Variants in SSUH2 observed in about 807,000 individuals in gnomAD.
SSUH2 encodes protein SSUH2 homolog.
A neutral mutation model predicts 55.3 loss-of-function variants in SSUH2; 47 were observed. The ratio of observed to expected loss-of-function variants is 0.85; its 90% confidence interval spans 0.67 to 1.08. The LOEUF is 1.08. Among genes scored for constraint, SSUH2 ranks in the 50% least tolerant of loss-of-function variants. SSUH2 has a pLI of 0.00. For missense variants in SSUH2, 535 were observed against 490.7 expected, an observed-to-expected ratio of 1.09 and a Z score of -0.85; for synonymous variants, 212 against 191.5, an observed-to-expected ratio of 1.11 and a Z score of -0.89.
At chr3:8,665,689 T>C (rs1055956046) in intron 5 of SSUH2, among the ~76,000 whole-genome samples, 1 of 152,166 alleles carries the variant, frequency 6.6e-6, no homozygotes, top group Non-Finnish European at 1.5e-5. Context: ...ATGCCTTTCA[T>C]GTCACTTCAA....
chr3:8,660,779 A>G (rs377509512), intron 6 of SSUH2, among the ~76,000 whole-genome samples: 2 of 152,372 alleles, frequency 1.3e-5, no homozygotes, highest in East Asian at 3.9e-4. Context: ...TAGTCAACTT[A>G]TAAAAACTGT....
chr3:8,641,951 G>A (rs931004279), intron 1 of SSUH2, among the ~76,000 whole-genome samples: 9 of 152,218 alleles, frequency 5.9e-5, no homozygotes, highest in African/African-American at 2.2e-4. Context: ...GTCAGGGGTG[G>A]TGATGGCGAT....
chr3:8,652,975 G>A (rs940048824), intron 7 of SSUH2, among the ~76,000 whole-genome samples: 9 of 152,302 alleles, frequency 5.9e-5, no homozygotes, highest in Non-Finnish European at 1.2e-4. Context: ...TTGTCCTGGG[G>A]ATCGGCTACC....
intron 1 of SSUH2, among the ~76,000 whole-genome samples, chr3:8,644,332 C>G (rs907960044): frequency 6.6e-6 from 1 of 152,062 alleles, no homozygotes; most frequent in African/African-American, 2.4e-5. Flanking sequence ...TGGCTGGGAG[C>G]AGGAGACACT....
intron 4 of SSUH2, among the ~76,000 whole-genome samples, chr3:8,633,318 A>G (rs1699220790): frequency 6.6e-6 from 1 of 151,834 alleles, no homozygotes; most frequent in Non-Finnish European, 1.5e-5. Flanking sequence ...TAATTTTTGT[A>G]TTTTTAGTAC....
chr3:8,638,446 A>C (rs1032486666), intron 1 of SSUH2, among the ~76,000 whole-genome samples: 1 of 152,218 alleles, frequency 6.6e-6, no homozygotes, highest in Admixed American at 6.5e-5. Flanking sequence ...GTGCCTTTGT[A>C]AGCAAGAAAA....
intron 1 of SSUH2, among the ~76,000 whole-genome samples, chr3:8,636,962 G>A (rs57470470): frequency 0.074 from 11,242 of 152,182 alleles, 1,018 homozygotes; most frequent in African/African-American, 0.2. Context: ...TCCAAAGTTC[G>A]TGTTCTTTCC....
intron 11 of SSUH2, 115 bp from the exon 12 acceptor site, chr3:8,620,129 T>C (rs1696110486): frequency 8.7e-7 from 1 of 1,150,048 alleles, no homozygotes; most frequent in African/African-American, 1.6e-5. Context: ...GCTCTGGAGT[T>C]GGCATTCAAT....
chr3:8,635,267 GCA>G, intron 3 of SSUH2, 31 bp downstream of exon 3: 1 of 1,499,068 alleles, frequency 6.7e-7, no homozygotes, highest in South Asian at 1.2e-5. Flanking sequence ...CATAGGAAAT[GCA>G]CACAGTCACA....
chr3:8,621,784 G>C (rs1178133079), intron 11 of SSUH2, among the ~76,000 whole-genome samples: 3 of 152,300 alleles, frequency 2.0e-5, no homozygotes, highest in South Asian at 4.2e-4. Flanking sequence ...TCAGTGCAAA[G>C]GACCCCAAAT....
exon 2 of SSUH2, chr3:8,679,817 A>C (rs1705835405): frequency 6.5e-6 from 1 of 152,878 alleles, no homozygotes; most frequent in Non-Finnish European, 1.5e-5. Context: ...CCAGGATCAG[A>C]AAGAAAGCAG....
chr3:8,678,651 G>A (rs13090960), intron 2 of SSUH2, among the ~76,000 whole-genome samples: 1 of 37,392 alleles, frequency 2.7e-5, no homozygotes, highest in African/African-American at 1.1e-4. Context: ...TCGCAGTGGG[G>A]GGAGGCACCC....
chr3:8,650,419 T>C (rs1022546331), intron 7 of SSUH2, among the ~76,000 whole-genome samples: 8 of 152,226 alleles, frequency 5.3e-5, no homozygotes, highest in Admixed American at 1.3e-4. Context: ...AGATGCTCTA[T>C]AGACATGTGA....
At chr3:8,663,577 G>T (rs1357395863) in intron 6 of SSUH2, among the ~76,000 whole-genome samples, 3 of 152,154 alleles carry the variant, frequency 2.0e-5, no homozygotes, top group Admixed American at 2.0e-4. Flanking sequence ...GGGGTGGGGG[G>T]TGTCTGGCTG....
chr3:8,633,633 G>A (rs754121559), intron 4 of SSUH2, 33 bp downstream of exon 4: 27 of 1,485,214 alleles, frequency 1.8e-5, no homozygotes, highest in Middle Eastern at 2.5e-4. Flanking sequence ...CCAGCCCCCC[G>A]GCCAAGGCCC....
At chr3:8,660,616 G>A (rs1475175175) in intron 6 of SSUH2, among the ~76,000 whole-genome samples, 1 of 152,154 alleles carries the variant, frequency 6.6e-6, no homozygotes, top group African/African-American at 2.4e-5. Flanking sequence ...CCTTTCCCTG[G>A]CTTCTTAAGT....
rs757686467 is a variant in SSUH2, at chr3:8,626,294, G to C, written c.702C>G (p.Asn234Lys). Residue 234 changes from asparagine to lysine, a missense_variant, in exon 9 of 12, where the codon AAC becomes AAG. Transcript: ENST00000544814. ...CCCCCTTGCAGGTGGCGCAGGTCTT[G>C]TTCCCTCTCCCTGAGCAAGTGCTGC... ...RRCSTCSGRG[N>K]KTCATCKGEK... 1.3e-5 allele frequency: 21 copies of C among 1,613,988 alleles called. No individual in the cohort carries two copies. Among genetic ancestry groups the C allele is most frequent in the South Asian group, 2.2e-5 (2 of 91,062 alleles).
intron 6 of SSUH2, among the ~76,000 whole-genome samples, chr3:8,661,496 A>G (rs994926971): frequency 1.3e-5 from 2 of 152,224 alleles, no homozygotes; most frequent in Non-Finnish European, 2.9e-5. Context: ...GCTGTCAGGA[A>G]CTGTGAAGGC....
intron 4 of SSUH2, chr3:8,671,808 C>T (rs1704603120): frequency 6.7e-6 from 1 of 148,872 alleles, no homozygotes; most frequent in Non-Finnish European, 1.5e-5. Context: ...CACCCCCCCT[C>T]TCCCCACCTG....
Sources: gnomAD v4.1 joint callset for allele counts (sites outside exome capture counted in the v4.1 genomes callset) on GRCh38, gnomAD v4.1.1 for gene constraint, MANE v1.5 for transcripts, NCBI Gene and HGNC (gene_info 2026-07-23, HGNC 2026-07-21) for gene names.